RASSF6: variants seen among roughly 807,000 people sequenced by gnomAD.
RASSF6 encodes ras association domain-containing protein 6.
RASSF6 carries 52 observed loss-of-function variants against 44.0 expected under a neutral mutation model. The observed-to-expected ratio is 1.18, with a 90% confidence interval of 0.95 to 1.49. The LOEUF is 1.49. Among genes scored for constraint, RASSF6 ranks in the 40% most tolerant of loss-of-function variants. RASSF6 has a pLI of 0.00. For synonymous variants in RASSF6, 162 were observed against 124.6 expected (o/e 1.30, Z -2.00); for missense variants, 464 against 393.3 (o/e 1.18, Z -1.52).
chr4:73,599,966 C>A (rs1181093190), intron 2 of RASSF6, among the ~76,000 whole-genome samples: 1 of 152,100 alleles, frequency 6.6e-6, no homozygotes, highest in Non-Finnish European at 1.5e-5. Context: ...ATCTTGGGGC[C>A]TTTGCACTTG....
intron 5 of RASSF6, 119 bp downstream of exon 5, chr4:73,587,721 A>G: frequency 2.0e-6 from 1 of 512,554 alleles, no homozygotes. Flanking sequence ...ATATACATAT[A>G]AAACAAGAGT....
At chr4:73,594,644 T>C (rs1157179551) in intron 3 of RASSF6, among the ~76,000 whole-genome samples, 7 of 152,226 alleles carry the variant, frequency 4.6e-5, no homozygotes, top group Non-Finnish European at 8.8e-5. Context: ...TTGGAATCAC[T>C]CCTGAAACAA....
At chr4:73,583,047 C>A (rs555469818) in intron 6 of RASSF6, among the ~76,000 whole-genome samples, 2 of 152,096 alleles carry the variant, frequency 1.3e-5, no homozygotes, top group African/African-American at 4.8e-5. Flanking sequence ...GTTCATCCTG[C>A]GCTAAGGTGA....
At chr4:73,618,621 A>AATCAGT (rs1049590784) in intron 1 of RASSF6, among the ~76,000 whole-genome samples, 1 of 152,144 alleles carries the variant, frequency 6.6e-6, no homozygotes, top group Non-Finnish European at 1.5e-5. Flanking sequence ...TACTAAACAC[A>AATCAGT]ATCAGACCCC....
At chr4:73,591,561 T>G (rs1435026225) in intron 4 of RASSF6, among the ~76,000 whole-genome samples, 2 of 152,198 alleles carry the variant, frequency 1.3e-5, no homozygotes, top group East Asian at 3.8e-4. Flanking sequence ...TTTTTCCTTT[T>G]AAATGATGCT....
intron 2 of RASSF6, chr4:73,604,624 G>A (rs1430497577): frequency 1.3e-5 from 2 of 152,172 alleles, no homozygotes; most frequent in African/African-American, 2.4e-5. Context: ...TAGTTCTCTT[G>A]CACAGGTTTT....
chr4:73,620,629 A>C (rs1726642335), upstream of RASSF6: 4 of 632,542 alleles, frequency 6.3e-6, no homozygotes, highest in South Asian at 8.6e-5. Flanking sequence ...CCTGTGCCTC[A>C]GTGCATGTTG....
chr4:73,617,544 T>C (rs1348638341), intron 1 of RASSF6, among the ~76,000 whole-genome samples: 1 of 152,186 alleles, frequency 6.6e-6, no homozygotes, highest in South Asian at 2.1e-4. Flanking sequence ...AGATCACGAC[T>C]CATTTTTCCT....
chr4:73,595,938 A>G (rs1724911123), intron 3 of RASSF6, among the ~76,000 whole-genome samples: 2 of 152,182 alleles, frequency 1.3e-5, no homozygotes, highest in African/African-American at 2.4e-5. Flanking sequence ...CCTAAAGTCC[A>G]TGCTGTGCCA....
rs764899872 is a variant in RASSF6, at chr4:73,620,428, G to C, written c.-175C>G. On this transcript the variant is annotated 5_prime_UTR_variant, in exon 1 of 11. Coordinates refer to ENST00000307439, the MANE Select transcript of RASSF6 (RefSeq NM_177532.5). ...TGTCTCTGCCGGGCTGGGACTCCGC[G>C]AGTCACTCACCTGTAGGGGAGGTCC... The C allele has an allele frequency of 2.4e-4, 373 of 1,544,868 alleles. No individual in the cohort carries two copies. The highest frequency in any genetic ancestry group is 3.2e-4 in the Non-Finnish European group (364 of 1,144,258).
intron 4 of RASSF6, among the ~76,000 whole-genome samples, chr4:73,588,871 C>T (rs957955136): frequency 1.3e-5 from 2 of 151,776 alleles, no homozygotes; most frequent in African/African-American, 4.8e-5. Flanking sequence ...ATTAGGGACC[C>T]AAGGTGTTCC....
At chr4:73,601,584 G>A (rs1185746012) in intron 2 of RASSF6, among the ~76,000 whole-genome samples, 3 of 152,154 alleles carry the variant, frequency 2.0e-5, no homozygotes, top group Non-Finnish European at 2.9e-5. Context: ...GTAAAATTAG[G>A]TAAATTAGTG....
chr4:73,608,144 C>A (rs2476027), intron 2 of RASSF6, among the ~76,000 whole-genome samples: 147,337 of 149,706 alleles, frequency 0.98, 72,544 homozygotes, highest in East Asian at 1. Flanking sequence ...AAAATTCACG[C>A]ATCCAGAAAT....
intron 5 of RASSF6, among the ~76,000 whole-genome samples, chr4:73,587,147 T>A (rs1459982414): frequency 6.6e-6 from 1 of 151,626 alleles, no homozygotes; most frequent in Non-Finnish European, 1.5e-5. Context: ...CAAAATATTA[T>A]GCCTGATACT....
chr4:73,593,471 T>G lies in RASSF6; in HGVS notation c.267A>C (p.Ser89=), dbSNP rs759502491. The change falls in exon 4 of 11, where the codon TCA becomes TCC. Residue 89 remains serine, a synonymous_variant. Transcript: ENST00000307439. ...CTTACCCTTTGCTGGAGAAGACGTC[T>G]GATGACTTCATACTAGTAAAAGAAG... ...PFSSFTSMKS[S]DVFSSKGMTR... The G allele has an allele frequency of 6.2e-7, 1 of 1,609,600 alleles. No homozygotes were observed.
Position 73,583,915 on chromosome 4 carries a change from T to C in RASSF6, c.567+1265A>G, listed in dbSNP as rs59686740. ...GCCCAAGCATTTAACCACCATTCCG[T>C]GCTGCCAACCTAGTGTCAATTTCAT... is the stretch of plus-strand genomic sequence containing the variant. On this transcript the variant is annotated intron_variant, in intron 6 of 10. Coordinates refer to ENST00000307439, the MANE Select transcript of RASSF6 (RefSeq NM_177532.5). Among the ~76,000 whole-genome samples, 525 of 152,250 alleles carry C rather than the reference T, an allele frequency of 3.4e-3. 16 individuals are homozygous for C. The East Asian group carries it at 0.07, about 20-fold the overall frequency.
chr4:73,615,327 T>G (rs1003093441), intron 1 of RASSF6, among the ~76,000 whole-genome samples: 1 of 148,472 alleles, frequency 6.7e-6, no homozygotes, highest in African/African-American at 2.5e-5. Context: ...GCTAGGGCCC[T>G]TGTGAAAATC....
At chr4:73,593,414 A>G (rs927286947) in intron 4 of RASSF6, 37 bp downstream of exon 4, 8 of 1,575,806 alleles carry the variant, frequency 5.1e-6, no homozygotes, top group African/African-American at 2.7e-5. Flanking sequence ...TATGAAGATC[A>G]TCTTCTGAGG....
rs555540509 is a variant in RASSF6, at chr4:73,615,435, G to C, written c.-34-3606C>G. On this transcript the variant is annotated intron_variant, in intron 1 of 10. Coordinates refer to ENST00000307439, the MANE Select transcript of RASSF6 (RefSeq NM_177532.5). ...AGAGAAGTCATGAATAGCAACGAGG[G>C]AGAGAATTTATGAAGAAAGAAAAAA... Among the ~76,000 whole-genome samples the C allele has an allele frequency of 5.1e-4, 78 of 152,266 alleles. 1 individual carries two copies. Among genetic ancestry groups the C allele is most frequent in the African/African-American group, 1.8e-3 (76 of 41,556 alleles).
Sources: gnomAD v4.1 joint callset for allele counts (sites outside exome capture counted in the v4.1 genomes callset) on GRCh38, gnomAD v4.1.1 for gene constraint, MANE v1.5 for transcripts, NCBI Gene and HGNC (gene_info 2026-07-23, HGNC 2026-07-21) for gene names.